The following TEX26 variants were observed in gnomAD, a reference collection of about 807,000 sequenced individuals.
TEX26 encodes the protein testis-expressed protein 26.
A neutral mutation model predicts 35.3 loss-of-function variants in TEX26; 34 were observed. The ratio of observed to expected loss-of-function variants is 0.96; its 90% confidence interval spans 0.73 to 1.28. The LOEUF (loss-of-function observed/expected upper bound fraction) is 1.28, where lower values mean the gene tolerates loss of function less well. Among genes scored for constraint, TEX26 ranks in the 50% most tolerant of loss-of-function variants. The pLI is 0.00. For missense variants in TEX26, 371 were observed against 330.1 expected (o/e 1.12, Z -0.96); for synonymous variants, 136 against 111.8 (o/e 1.22, Z -1.36).
intron 4 of TEX26, among the ~76,000 whole-genome samples, chr13:30,961,460 T>C (rs1367265610): frequency 1.3e-5 from 2 of 152,214 alleles, no homozygotes; most frequent in African/African-American, 4.8e-5. Context: ...TTTGCTATTA[T>C]TCCCTGCTGC....
At chr13:30,944,720 G>A (rs909338710) in intron 2 of TEX26, among the ~76,000 whole-genome samples, 2 of 152,040 alleles carry the variant, frequency 1.3e-5, no homozygotes, top group South Asian at 4.1e-4. Context: ...TGCAGGAGCA[G>A]ATTGTTTAAT....
At chr13:30,974,156 A>ATATATATAT (rs1566172295) in intron 6 of TEX26, among the ~76,000 whole-genome samples, 11 of 142,288 alleles carry the variant, frequency 7.7e-5, no homozygotes, top group African/African-American at 1.3e-4. Flanking sequence ...ATATATATAT[A>ATATATATAT]ATTAGGAGTA....
In TEX26 at chr13:30,951,086, C is replaced by T. The variant is rs144384196; in HGVS notation, c.147-1574C>T. ...GGCTGTAATCCCAGCCTGTAGCATG[C>T]GCCTGTGGTCCCAGCTACTTGGGAG... On this transcript the variant is annotated intron_variant, in intron 2 of 6. Transcript: ENST00000380473. Among the ~76,000 whole-genome samples, 171 of 152,190 alleles carry T rather than the reference C, an allele frequency of 1.1e-3. 1 individual carries two copies. Among genetic ancestry groups the T allele is most frequent in the African/African-American group, 3.6e-3 (148 of 41,534 alleles).
intron 2 of TEX26, among the ~76,000 whole-genome samples, chr13:30,951,996 C>T (rs1178539127): frequency 1.7e-3 from 64 of 36,674 alleles, no homozygotes; most frequent in African/African-American, 2.7e-3. Context: ...AATCATTATT[C>T]TGGGATTTTT....
Position 30,934,007 on chromosome 13 carries a change from C to T in TEX26, c.61+1231C>T, listed in dbSNP as rs551963206. On this transcript the variant is annotated intron_variant, in intron 1 of 6. Transcript: ENST00000380473. ...TTCCTACTTTTTCAGACCAGAATAT[C>T]TAACTGTCTACCAGACAGTTCCATG... Among the ~76,000 whole-genome samples the T allele has an allele frequency of 3.0e-4, 46 of 152,346 alleles. No individual in the cohort carries two copies. The Middle Eastern group carries it at 0.01, about 34-fold the overall frequency.
At position 30,948,151 on chromosome 13, in the gene TEX26, TG is replaced by T. The variant is rs1332080285; in HGVS notation, c.147-4506del. Among the ~76,000 whole-genome samples the T allele has an allele frequency of 2.6e-5, 4 of 152,342 alleles. No homozygotes were observed. The East Asian group carries it at 5.8e-4, about 22-fold the overall frequency. On this transcript the variant is annotated intron_variant, in intron 2 of 6. Coordinates refer to ENST00000380473, the MANE Select transcript of TEX26 (RefSeq NM_152325.3). ...ATCCAGTCTATCATTGTGGGACATT[TG>T]GGTTGGTTCCTAGTCTTTGCTATTG...
chr13:30,957,736 C>A (rs992698084), intron 4 of TEX26, among the ~76,000 whole-genome samples: 1 of 152,224 alleles, frequency 6.6e-6, no homozygotes, highest in African/African-American at 2.4e-5. Context: ...CAATAAGCCC[C>A]TTCCAGGGTA....
At position 30,936,495 on chromosome 13, in the gene TEX26, C is replaced by T. The variant is rs556470671; in HGVS notation, c.62-3199C>T. On this transcript the variant is annotated intron_variant, in intron 1 of 6. Transcript: ENST00000380473. ...ACTAAATTAAATCACAGCTCAGATG[C>T]CACCTATGCTATGATGACCCCTGGG... is the stretch of plus-strand genomic sequence containing the variant. Among the ~76,000 whole-genome samples the T allele has an allele frequency of 5.3e-5, 8 of 152,326 alleles. No individual in the cohort carries two copies. In the East Asian group the frequency reaches 1.5e-3, roughly 29 times the overall value.
chr13:30,968,752 A>G (rs1954621575), intron 5 of TEX26, 133 bp from the exon 6 acceptor site: 1 of 777,098 alleles, frequency 1.3e-6, no homozygotes, highest in African/African-American at 1.7e-5. Flanking sequence ...CTTAATGTCC[A>G]GCATCATGAA....
chr13:30,954,961 C>T (rs1160097445), intron 3 of TEX26, among the ~76,000 whole-genome samples: 1 of 152,158 alleles, frequency 6.6e-6, no homozygotes, highest in Non-Finnish European at 1.5e-5. Flanking sequence ...GTTCACATGC[C>T]AGATGGCAGC....
At chr13:30,971,607 G>A (rs1337906141) in intron 6 of TEX26, among the ~76,000 whole-genome samples, 1 of 152,188 alleles carries the variant, frequency 6.6e-6, no homozygotes, top group East Asian at 1.9e-4. Context: ...AAAGGAGAGA[G>A]AGCTGAAGGC....
intron 2 of TEX26, 28 bp downstream of exon 2, chr13:30,939,806 A>G (rs948387966): frequency 6.3e-7 from 1 of 1,579,712 alleles, no homozygotes; most frequent in Non-Finnish European, 8.7e-7. Context: ...TTGGATTGAT[A>G]TACATGTTTT....
chr13:30,958,691 C>T (rs575581514), intron 4 of TEX26, among the ~76,000 whole-genome samples: 38 of 152,318 alleles, frequency 2.5e-4, no homozygotes, highest in African/African-American at 8.2e-4. Context: ...TGAACAAGAA[C>T]TTTATCTTTC....
At chr13:30,972,223 AG>A (rs1345584647) in intron 6 of TEX26, among the ~76,000 whole-genome samples, 1 of 152,226 alleles carries the variant, frequency 6.6e-6, no homozygotes, top group Non-Finnish European at 1.5e-5. Context: ...CTGTGCAGTA[AG>A]GAGAAGCAGG....
intron 6 of TEX26, among the ~76,000 whole-genome samples, chr13:30,973,795 C>T (rs1007881967): frequency 6.6e-6 from 1 of 152,054 alleles, no homozygotes; most frequent in African/African-American, 2.4e-5. Context: ...TTTGGCTGCA[C>T]AGGTGATAAC....
chr13:30,939,124 G>A (rs1039214529), intron 1 of TEX26, among the ~76,000 whole-genome samples: 18 of 152,302 alleles, frequency 1.2e-4, no homozygotes, highest in South Asian at 2.1e-4. Context: ...ACTGAAACCC[G>A]ATATGTCTAT....
chr13:30,950,796 T>C (rs568278774), intron 2 of TEX26, among the ~76,000 whole-genome samples: 3 of 152,260 alleles, frequency 2.0e-5, no homozygotes, highest in South Asian at 2.1e-4. Context: ...CAAGGAGGTG[T>C]CTGTGAAATC....
intron 4 of TEX26, among the ~76,000 whole-genome samples, chr13:30,963,327 T>A (rs1954418329): frequency 1.3e-5 from 2 of 152,162 alleles, no homozygotes; most frequent in South Asian, 4.1e-4. Context: ...TTGGGTCAGG[T>A]TAGCTCTAAC....
At chr13:30,966,150 C>A in intron 4 of TEX26, 72 bp from the exon 5 acceptor site, 2 of 1,555,262 alleles carry the variant, frequency 1.3e-6, no homozygotes, top group Non-Finnish European at 1.8e-6. Context: ...TACCTCTAAA[C>A]ACAGCAAGAG....
Sources: allele counts gnomAD v4.1 joint callset (sites outside exome capture counted in the v4.1 genomes callset), GRCh38; gene constraint gnomAD v4.1.1; transcripts MANE v1.5; gene names NCBI Gene and HGNC (gene_info 2026-07-23, HGNC 2026-07-21).